BLM: variants seen among roughly 807,000 people sequenced by gnomAD.
BLM encodes recQ-like DNA helicase BLM.
A neutral mutation model predicts 135.3 loss-of-function variants in BLM; 95 were observed. The observed-to-expected ratio is 0.70, with a 90% confidence interval of 0.59 to 0.83. The LOEUF is 0.83. Ranked by LOEUF, BLM falls within the 40% of genes least tolerant of loss-of-function variation. The probability of loss-of-function intolerance (pLI) is 0.00; values close to 1 mark genes in which losing one functional copy is unlikely to be tolerated. For missense variants in BLM, 1,518 were observed against 1,663.9 expected (o/e 0.91, Z 1.53); for synonymous variants, 520 against 589.2 (o/e 0.88, Z 1.70).
intron 17 of BLM, among the ~76,000 whole-genome samples, chr15:90,800,621 A>C (rs557969162): frequency 2.0e-5 from 3 of 152,182 alleles, no homozygotes; most frequent in African/African-American, 7.2e-5. Flanking sequence ...CAGAGGTTGC[A>C]GTGAGCCAAG....
chr15:90,809,957 G>T (rs1002365154), intron 20 of BLM, among the ~76,000 whole-genome samples: 8 of 152,166 alleles, frequency 5.3e-5, no homozygotes, highest in Non-Finnish European at 1.0e-4. Context: ...GGACACAACA[G>T]ACAGGCCCGG....
intron 2 of BLM, among the ~76,000 whole-genome samples, chr15:90,748,105 CTT>C (rs530239635): frequency 7.2e-6 from 1 of 138,778 alleles, no homozygotes; most frequent in African/African-American, 2.7e-5. Context: ...CGTGCCCAGC[CTT>C]TTTTTTTTTT....
At chr15:90,795,150 C>A (rs1298112316) in intron 16 of BLM, among the ~76,000 whole-genome samples, 1 of 152,176 alleles carries the variant, frequency 6.6e-6, no homozygotes, top group African/African-American at 2.4e-5. Flanking sequence ...AATTCATAGA[C>A]TGGAGTGGAG....
chr15:90,761,232 C>T lies in BLM; in HGVS notation c.1859C>T (p.Ser620Leu). 1 of 1,535,284 alleles carries T rather than the reference C, an allele frequency of 6.5e-7. No homozygotes were observed. The highest frequency in any genetic ancestry group is 8.7e-7 in the Non-Finnish European group (1 of 1,144,974). ...TCTACTGCTCAAAATATAAACTTCTCAGAGTCAATTCAGAATTATACTGGT... is the reference window on the plus strand; with the variant it reads ...TCTACTGCTCAAAATATAAACTTCTTAGAGTCAATTCAGAATTATACTGGT... Reference protein sequence around the residue: ...VSSTAQNINFSESIQNYTDKS... With the variant: ...VSSTAQNINFLESIQNYTDKS... The change falls in exon 7 of 22, where the codon TCA becomes TTA. Residue 620 changes from serine (S) to leucine (L), a missense_variant. Coordinates refer to ENST00000355112, the MANE Select transcript of BLM (RefSeq NM_000057.4).
At chr15:90,796,324 G>A (rs1374303495) in intron 16 of BLM, among the ~76,000 whole-genome samples, 1 of 152,160 alleles carries the variant, frequency 6.6e-6, no homozygotes, top group Non-Finnish European at 1.5e-5. Context: ...GCTGACAGTC[G>A]GGATAAGAGA....
At chr15:90,810,390 C>T (rs1032018179) in intron 20 of BLM, among the ~76,000 whole-genome samples, 1 of 152,098 alleles carries the variant, frequency 6.6e-6, no homozygotes, top group South Asian at 2.1e-4. Flanking sequence ...GTAATTAGTC[C>T]ATTAAAAGCC....
In BLM at chr15:90,803,506, G is replaced by A. The variant is rs2151194113; in HGVS notation, c.3359-15G>A. On this transcript the variant is annotated splice_polypyrimidine_tract_variant and intron_variant, in intron 17 of 21. Coordinates refer to ENST00000355112, the MANE Select transcript of BLM (RefSeq NM_000057.4). Reference sequence around the variant, plus strand: ...CGTACATTTACTCATCTTACTTCCTGTATCTTCTTATCAGGGAGTAAGAGT... The same window carrying A: ...CGTACATTTACTCATCTTACTTCCTATATCTTCTTATCAGGGAGTAAGAGT... 1.9e-6 allele frequency: 3 copies of A among 1,607,118 alleles called. No individual in the cohort carries two copies. The highest frequency in any genetic ancestry group is 2.6e-6 in the Non-Finnish European group (3 of 1,173,826).
intron 4 of BLM, among the ~76,000 whole-genome samples, chr15:90,753,327 A>G (rs1311441251): frequency 1.3e-5 from 2 of 152,228 alleles, no homozygotes; most frequent in Admixed American, 6.5e-5. Flanking sequence ...TTCAGTTTTG[A>G]TACATGTGTG....
At chr15:90,723,216 A>G (rs943577937) in intron 1 of BLM, among the ~76,000 whole-genome samples, 3 of 152,160 alleles carry the variant, frequency 2.0e-5, no homozygotes, top group Non-Finnish European at 4.4e-5. Flanking sequence ...TATAAATAAT[A>G]TAGCTCAGTT....
rs755517718 is a variant in BLM, at chr15:90,763,036, T to C, written c.1953T>C (p.His651=). ...HERFQSLSFP[H]TKEMMKIFHK... ...GTTTCCAAAGTCTTAGTTTTCCTCA[T>C]ACAAAGGAAATGATGAAGATTTTTC... The change falls in exon 8 of 22, where the codon CAT becomes CAC. Residue 651 remains histidine (H), a synonymous_variant. Transcript: ENST00000355112. The C allele has an allele frequency of 1.2e-6, 2 of 1,613,980 alleles. No homozygotes were observed. The highest frequency in any genetic ancestry group is 1.1e-5 in the South Asian group (1 of 91,040).
chr15:90,803,599 T>C lies in BLM; in HGVS notation c.3437T>C (p.Phe1146Ser), dbSNP rs1407593661. The change falls in exon 18 of 22, where the codon TTT becomes TCT. Residue 1146 changes from phenylalanine (F) to serine (S), a missense_variant. By Grantham distance (155) the Phe-to-Ser change is radical. Coordinates refer to ENST00000355112, the MANE Select transcript of BLM (RefSeq NM_000057.4). ...AYSRHNAERL[F>S]KKLILDKILD... ...TCACGACACAATGCCGAAAGACTTT[T>C]TAAAAAGCTGATACTTGACAAGATT... The C allele has an allele frequency of 6.2e-7, 1 of 1,614,028 alleles. No homozygotes were observed. The highest frequency in any genetic ancestry group is 2.2e-5 in the East Asian group (1 of 44,868).
At chr15:90,768,583 G>T (rs180724888) in intron 10 of BLM, among the ~76,000 whole-genome samples, 1 of 152,294 alleles carries the variant, frequency 6.6e-6, no homozygotes, top group African/African-American at 2.4e-5. Flanking sequence ...GCAGACAAAA[G>T]TTTGAGAACC....
chr15:90,782,990 A>C (rs1469977400), intron 13 of BLM, 62 bp downstream of exon 13: 1 of 1,304,340 alleles, frequency 7.7e-7, no homozygotes, highest in Non-Finnish European at 1.1e-6. Context: ...TACCACAATA[A>C]GATATATAAA....
At chr15:90,720,571 CTT>C (rs1248917372) in intron 1 of BLM, among the ~76,000 whole-genome samples, 16 of 152,138 alleles carry the variant, frequency 1.1e-4, no homozygotes, top group Admixed American at 1.3e-4. Flanking sequence ...GTATTCATAA[CTT>C]AGTGTTTTTC....
rs794727180 is a variant in BLM at position 90,798,190 on chromosome 15, G to A, written c.3211G>A (p.Asp1071Asn). Residue 1071 changes from aspartate (D) to asparagine (N), a missense_variant and splice_region_variant, in exon 17 of 22, where the codon GAT becomes AAT. Physicochemically the swap from Asp to Asn is conservative, Grantham distance 23. This residue lies in a region of BLM where 626 missense variants were observed against 681.1 expected (regional missense o/e 0.92). Coordinates refer to ENST00000355112, the MANE Select transcript of BLM (RefSeq NM_000057.4). ...VSCDNCCKTK[D>N]YKTRDVTDDV... ...GAAAGTATTCTCTTTTTATTCATAG[G>A]ATTATAAAACAAGAGATGTGACTGA... 1 of 1,601,132 alleles carries A rather than the reference G, an allele frequency of 6.2e-7. No homozygotes were observed. The highest frequency in any genetic ancestry group is 1.3e-5 in the African/African-American group (1 of 74,670).
chr15:90,753,463 A>G (rs1005983136), intron 4 of BLM, among the ~76,000 whole-genome samples: 2 of 152,236 alleles, frequency 1.3e-5, no homozygotes, highest in Non-Finnish European at 2.9e-5. Context: ...TGGCTACATA[A>G]TTTATCAAAT....
At chr15:90,719,671 G>A (rs1426051163) in intron 1 of BLM, among the ~76,000 whole-genome samples, 1 of 151,942 alleles carries the variant, frequency 6.6e-6, no homozygotes, top group Non-Finnish European at 1.5e-5. Context: ...TTTGGTTGGT[G>A]GGTACATGGG....
chr15:90,776,982 GGTTTT>G (rs142676491), intron 12 of BLM, among the ~76,000 whole-genome samples: 26,280 of 151,658 alleles, frequency 0.17, 2,310 homozygotes, highest in African/African-American at 0.19. Flanking sequence ...TTTCTTTGTG[GGTTTT>G]GTTTTGTTTT....
intron 1 of BLM, among the ~76,000 whole-genome samples, chr15:90,731,166 T>C (rs1185360871): frequency 6.6e-6 from 1 of 152,124 alleles, no homozygotes; most frequent in Non-Finnish European, 1.5e-5. Context: ...GTCTCAATCC[T>C]GGGCTCAAGC....
Sources: gnomAD v4.1 joint callset for allele counts (sites outside exome capture counted in the v4.1 genomes callset) on GRCh38, gnomAD v4.1.1 for gene constraint, gnomAD v4.1.1 regional missense constraint, MANE v1.5 for transcripts, NCBI Gene and HGNC (gene_info 2026-07-23, HGNC 2026-07-21) for gene names.